The following GRIA1 variants were observed in gnomAD, a reference collection of about 807,000 sequenced individuals.
GRIA1 encodes glutamate receptor 1.
In GRIA1, 31 loss-of-function variants were observed where a neutral mutation model predicts 99.2. The observed-to-expected ratio is 0.31, with a 90% CI of 0.23 to 0.42. The LOEUF (loss-of-function observed/expected upper bound fraction) is 0.42, where lower values mean the gene tolerates loss of function less well. GRIA1 is among the 10% of genes least tolerant of loss of function. The pLI is 1.00. For synonymous variants in GRIA1, 438 were observed against 432.4 expected (o/e 1.01, Z -0.16); for missense variants, 782 against 1,157.5 (o/e 0.68, Z 4.71).
At chr5:153,759,047 A>G (rs564348044) in intron 11 of GRIA1, among the ~76,000 whole-genome samples, 1 of 152,004 alleles carries the variant, frequency 6.6e-6, no homozygotes, top group African/African-American at 2.4e-5. Context: ...ACAAATGAAA[A>G]TGAAAACATG....
intron 13 of GRIA1, among the ~76,000 whole-genome samples, chr5:153,775,556 C>G (rs1199726511): frequency 6.6e-6 from 1 of 152,196 alleles, no homozygotes; most frequent in East Asian, 1.9e-4. Context: ...GAGACCCACT[C>G]TCTGTGCTTT....
chr5:153,550,100 T>C (rs1279310541), intron 2 of GRIA1, among the ~76,000 whole-genome samples: 1 of 152,170 alleles, frequency 6.6e-6, no homozygotes, highest in African/African-American at 2.4e-5. Flanking sequence ...AAGCTTAGGC[T>C]AGGATCTGTG....
chr5:153,802,483 G>A lies in GRIA1; in HGVS notation c.2513G>A (p.Arg838Gln), dbSNP rs779724339. 6.2e-6 allele frequency: 10 copies of A among 1,613,812 alleles called. No individual in the cohort carries two copies. The highest frequency in any genetic ancestry group is 2.2e-5 in the East Asian group (1 of 44,858). ...TACAAATCCCGTAGTGAATCCAAGC[G>A]GATGAAGGTGGCATCGTCTTCCCGG... Reference protein sequence around the residue: ...FCYKSRSESKRMKGFCLIPQQ... With the variant: ...FCYKSRSESKQMKGFCLIPQQ... The change falls in exon 15 of 16, where the codon CGG becomes CAG. Residue 838 changes from arginine to glutamine, a missense_variant. Arg to Gln is a conservative substitution (Grantham distance 43, BLOSUM62 1). Coordinates refer to ENST00000285900, the MANE Select transcript of GRIA1 (RefSeq NM_000827.4).
chr5:153,625,009 A>T (rs1320989279), intron 2 of GRIA1, among the ~76,000 whole-genome samples: 3 of 152,220 alleles, frequency 2.0e-5, no homozygotes, highest in Non-Finnish European at 4.4e-5. Flanking sequence ...CAGCAGAGAC[A>T]TACCAAGTCA....
chr5:153,741,101 C>G (rs753745539), intron 11 of GRIA1, among the ~76,000 whole-genome samples: 1 of 151,228 alleles, frequency 6.6e-6, no homozygotes, highest in Non-Finnish European at 1.5e-5. Flanking sequence ...CTCAGCCTCC[C>G]GAGTAGCTGG....
intron 2 of GRIA1, among the ~76,000 whole-genome samples, chr5:153,565,152 C>G (rs916466602): frequency 1.3e-5 from 2 of 152,198 alleles, no homozygotes; most frequent in Admixed American, 1.3e-4. Context: ...TATTTACTCT[C>G]ATACATTCAC....
chr5:153,762,620 G>T (rs1410938565), intron 11 of GRIA1, among the ~76,000 whole-genome samples: 1 of 152,136 alleles, frequency 6.6e-6, no homozygotes, highest in Non-Finnish European at 1.5e-5. Context: ...AAATGGAAAA[G>T]TGTAAAAGGA....
At chr5:153,728,172 C>G (rs1234372730) in intron 11 of GRIA1, among the ~76,000 whole-genome samples, 1 of 152,150 alleles carries the variant, frequency 6.6e-6, no homozygotes, top group East Asian at 1.9e-4. Context: ...GGAAAAGTGG[C>G]TAGCCATATG....
In GRIA1 at chr5:153,722,210, G is replaced by A. The variant is rs539567341; in HGVS notation, c.1823+16143G>A. On this transcript the variant is annotated intron_variant, in intron 11 of 15. Transcript: ENST00000285900. ...GTACAAGTATTCTTCATATAGCCTTGACATAAGTCCTTTTTTAGTTGTATA... is the reference window on the plus strand; with the variant it reads ...GTACAAGTATTCTTCATATAGCCTTAACATAAGTCCTTTTTTAGTTGTATA... Among the ~76,000 whole-genome samples the A allele has an allele frequency of 1.6e-4, 24 of 152,218 alleles. No homozygotes were observed. In the South Asian group the frequency reaches 4.6e-3, roughly 29 times the overall value.
At chr5:153,749,527 G>A (rs1179049377) in intron 11 of GRIA1, among the ~76,000 whole-genome samples, 1 of 152,090 alleles carries the variant, frequency 6.6e-6, no homozygotes, top group Non-Finnish European at 1.5e-5. Flanking sequence ...GGAGAGAGAG[G>A]GAGAAAGAGA....
chr5:153,500,895 G>A (rs1192185590), intron 2 of GRIA1, among the ~76,000 whole-genome samples: 6 of 152,002 alleles, frequency 3.9e-5, no homozygotes, highest in Non-Finnish European at 5.9e-5. Context: ...TTCTTGAATC[G>A]TTTAGGTATA....
At chr5:153,754,752 G>T (rs1476761038) in intron 11 of GRIA1, among the ~76,000 whole-genome samples, 6 of 152,312 alleles carry the variant, frequency 3.9e-5, no homozygotes, top group Non-Finnish European at 4.4e-5. Context: ...GAGATGCCAG[G>T]TTATAAGACA....
rs145269187 is a variant in GRIA1 at position 153,783,213 on chromosome 5, T to C, written c.2271-11408T>C. On this transcript the variant is annotated intron_variant, in intron 13 of 15. Transcript: ENST00000285900. ...TAGAATTGGCCCAGCTTTTCTTCCT[T>C]TCATTGAACCAGGGGTGGCTGAGAT... 7.2e-3 allele frequency among the ~76,000 whole-genome samples: 1,093 copies of C among 152,324 alleles called. 5 individuals are homozygous for C. The highest frequency in any genetic ancestry group is 0.011 in the Non-Finnish European group (742 of 68,030).
At chr5:153,545,019 A>G (rs1181653363) in intron 2 of GRIA1, among the ~76,000 whole-genome samples, 1 of 152,130 alleles carries the variant, frequency 6.6e-6, no homozygotes, top group Non-Finnish European at 1.5e-5. Context: ...GTTATGACAT[A>G]CAATACGGTT....
At chr5:153,779,355 G>A (rs760108374) in intron 13 of GRIA1, among the ~76,000 whole-genome samples, 24 of 152,084 alleles carry the variant, frequency 1.6e-4, no homozygotes, top group East Asian at 7.7e-4. Flanking sequence ...ATCAAGACTC[G>A]CATCACTGCC....
intron 2 of GRIA1, among the ~76,000 whole-genome samples, chr5:153,614,372 T>A (rs1264248527): frequency 6.6e-6 from 1 of 152,224 alleles, no homozygotes; most frequent in African/African-American, 2.4e-5. Context: ...AAAGTGACAG[T>A]ATCTAACATC....
chr5:153,703,653 T>C (rs1758687613), intron 10 of GRIA1, among the ~76,000 whole-genome samples: 1 of 152,150 alleles, frequency 6.6e-6, no homozygotes, highest in Admixed American at 6.5e-5. Flanking sequence ...GGCATGAGCA[T>C]TGCTTGAACC....
At chr5:153,671,693 T>G (rs555549902) in intron 5 of GRIA1, among the ~76,000 whole-genome samples, 2 of 152,372 alleles carry the variant, frequency 1.3e-5, no homozygotes, top group Admixed American at 1.3e-4. Flanking sequence ...TAATTGGCTT[T>G]CTTTCTTGAG....
chr5:153,678,659 G>A (rs1756761313), intron 7 of GRIA1, among the ~76,000 whole-genome samples: 2 of 152,184 alleles, frequency 1.3e-5, no homozygotes, highest in Non-Finnish European at 2.9e-5. Flanking sequence ...GTTTCAAAAG[G>A]TCCCAGAGAT....
Sources: allele counts gnomAD v4.1 joint callset (sites outside exome capture counted in the v4.1 genomes callset), GRCh38; gene constraint gnomAD v4.1.1; transcripts MANE v1.5; gene names NCBI Gene and HGNC (gene_info 2026-07-23, HGNC 2026-07-21).